SPIRE1: variants seen among roughly 807,000 people sequenced by gnomAD.
SPIRE1 encodes the protein spire type actin nucleation factor 1.
A neutral mutation model predicts 94.1 loss-of-function variants in SPIRE1; 40 were observed. That is an observed-to-expected ratio of 0.43 (90% CI 0.33 to 0.55). The LOEUF (loss-of-function observed/expected upper bound fraction) is 0.55. Ranked by LOEUF, SPIRE1 falls within the 20% of genes least tolerant of loss-of-function variation. The pLI is 0.06. For missense variants in SPIRE1, 838 were observed against 975.2 expected, an observed-to-expected ratio of 0.86 and a Z score of 1.87; for synonymous variants, 376 against 371.7, an observed-to-expected ratio of 1.01 and a Z score of -0.13.
intron 13 of SPIRE1, 44 bp downstream of exon 13, chr18:12,454,302 C>A: frequency 6.2e-7 from 1 of 1,609,230 alleles, no homozygotes; most frequent in Non-Finnish European, 8.5e-7. Flanking sequence ...ATGGGACTGG[C>A]CATCCTTCTA....
At chr18:12,493,795 G>A (rs915782356) in intron 7 of SPIRE1, among the ~76,000 whole-genome samples, 1 of 152,214 alleles carries the variant, frequency 6.6e-6, no homozygotes, top group African/African-American at 2.4e-5. Context: ...AGCCTGGCTT[G>A]CTCAACTAAT....
rs1456872726 is a variant in SPIRE1 at position 12,533,866 on chromosome 18, T to A, written c.729+1610A>T. Among the ~76,000 whole-genome samples, 2 of 151,824 alleles carry A rather than the reference T, an allele frequency of 1.3e-5. 1 individual carries two copies. Among genetic ancestry groups the A allele is most frequent in the East Asian group, 3.9e-4 (2 of 5,180 alleles). On this transcript the variant is annotated intron_variant, in intron 4 of 16. Coordinates refer to ENST00000409402, the MANE Select transcript of SPIRE1 (RefSeq NM_001128626.2). The stretch of plus-strand genomic sequence containing the variant: ...TAGTTGAGGATGTGCCTTTGGATGT[T>A]CACTTTGAAGCTTTTAATCAGATCC...
chr18:12,547,174 C>G (rs2035197503), intron 2 of SPIRE1, among the ~76,000 whole-genome samples: 1 of 152,172 alleles, frequency 6.6e-6, no homozygotes, highest in Non-Finnish European at 1.5e-5. Context: ...CCTCTCAGAA[C>G]TCTTATGCCA....
chr18:12,538,501 G>A (rs1472779668), intron 3 of SPIRE1, among the ~76,000 whole-genome samples: 1 of 152,080 alleles, frequency 6.6e-6, no homozygotes, highest in Non-Finnish European at 1.5e-5. Flanking sequence ...GGATCTTTGG[G>A]TATCCTCTGC....
intron 4 of SPIRE1, among the ~76,000 whole-genome samples, chr18:12,532,966 C>T (rs2034728557): frequency 6.6e-6 from 1 of 152,116 alleles, no homozygotes; most frequent in South Asian, 2.1e-4. Context: ...CCACCTCAAT[C>T]GAAACAGGGA....
intron 10 of SPIRE1, among the ~76,000 whole-genome samples, chr18:12,465,622 A>G (rs980419307): frequency 2.0e-5 from 3 of 152,222 alleles, no homozygotes; most frequent in Non-Finnish European, 4.4e-5. Context: ...TATTTAATAC[A>G]TTTATACAAG....
chr18:12,595,867 T>C (rs2036657309), intron 2 of SPIRE1, among the ~76,000 whole-genome samples: 1 of 152,226 alleles, frequency 6.6e-6, no homozygotes, highest in Admixed American at 6.5e-5. Context: ...CACAGATATC[T>C]AGGTGTATTT....
intron 1 of SPIRE1, among the ~76,000 whole-genome samples, chr18:12,651,955 A>G (rs2038390732): frequency 1.3e-5 from 2 of 152,218 alleles, no homozygotes; most frequent in African/African-American, 4.8e-5. Flanking sequence ...CCTTAAGATT[A>G]TTTTAAATCA....
rs374553146 is a variant in SPIRE1 at position 12,640,596 on chromosome 18, G to C, written c.338-5500C>G. 1.8e-4 allele frequency among the ~76,000 whole-genome samples: 28 copies of C among 152,298 alleles called. 1 individual carries two copies. In the South Asian group the frequency reaches 5.8e-3, roughly 32 times the overall value. On this transcript the variant is annotated intron_variant, in intron 1 of 16. Transcript: ENST00000409402. ...AACAAAACAGAACTCGTGATAAATG[G>C]ATCCAAAAGGGAGAGAAAGTAACAG...
At chr18:12,612,985 A>G (rs2037185131) in intron 2 of SPIRE1, among the ~76,000 whole-genome samples, 1 of 152,118 alleles carries the variant, frequency 6.6e-6, no homozygotes, top group East Asian at 1.9e-4. Context: ...TTTACTTTCC[A>G]TAGCACTCAG....
intron 14 of SPIRE1, 105 bp from the exon 15 acceptor site, chr18:12,452,617 A>G (rs1012486885): frequency 3.6e-6 from 4 of 1,096,784 alleles, no homozygotes; most frequent in Admixed American, 3.4e-5. Context: ...AATAAACTGC[A>G]TAACTCTCCC....
chr18:12,452,041 C>G (rs956110390), intron 16 of SPIRE1, among the ~76,000 whole-genome samples: 2 of 152,170 alleles, frequency 1.3e-5, no homozygotes, highest in African/African-American at 4.8e-5. Flanking sequence ...AATATAAACT[C>G]TGTGATGAAA....
chr18:12,533,048 T>G (rs2034731719), intron 4 of SPIRE1, among the ~76,000 whole-genome samples: 1 of 152,196 alleles, frequency 6.6e-6, no homozygotes, highest in Admixed American at 6.5e-5. Flanking sequence ...GAACAAGTGT[T>G]GTCAGAAGAG....
intron 2 of SPIRE1, among the ~76,000 whole-genome samples, chr18:12,631,173 GTT>G (rs2037763786): frequency 1.3e-5 from 2 of 151,610 alleles, no homozygotes; most frequent in Non-Finnish European, 2.9e-5. Flanking sequence ...TTAAATTTTG[GTT>G]TTAGACTCTC....
intron 2 of SPIRE1, among the ~76,000 whole-genome samples, chr18:12,629,928 C>T (rs1321032767): frequency 6.6e-6 from 1 of 151,996 alleles, no homozygotes; most frequent in Non-Finnish European, 1.5e-5. Flanking sequence ...ATTTTCCAAA[C>T]AGTAAGAAAT....
intron 4 of SPIRE1, among the ~76,000 whole-genome samples, chr18:12,529,480 G>T (rs1296479634): frequency 6.6e-6 from 1 of 152,062 alleles, no homozygotes; most frequent in Non-Finnish European, 1.5e-5. Context: ...AATCATACTT[G>T]AAAGGGTCAA....
intron 4 of SPIRE1, among the ~76,000 whole-genome samples, chr18:12,534,653 G>A (rs1419767910): frequency 6.6e-6 from 1 of 152,122 alleles, no homozygotes; most frequent in Non-Finnish European, 1.5e-5. Context: ...TTGGTCTTTG[G>A]ACTTGGACTG....
chr18:12,535,445 T>C lies in SPIRE1; in HGVS notation c.729+31A>G, dbSNP rs376820263. 2.5e-5 allele frequency: 40 copies of C among 1,587,062 alleles called. No individual in the cohort carries two copies. The African/African-American group carries it at 5.1e-4, about 20-fold the overall frequency. ...TATCAAATGCATGCCAATCAAACAA[T>C]GCCAATAAATATCAAAGCAGTAGTA... On this transcript the variant is annotated intron_variant, in intron 4 of 16. Coordinates refer to ENST00000409402, the MANE Select transcript of SPIRE1 (RefSeq NM_001128626.2).
intron 6 of SPIRE1, among the ~76,000 whole-genome samples, chr18:12,501,959 G>A (rs1034688532): frequency 1.3e-5 from 2 of 152,138 alleles, no homozygotes; most frequent in Non-Finnish European, 2.9e-5. Flanking sequence ...AAGACCCTGT[G>A]TCAATCAATC....
Sources: allele counts gnomAD v4.1 joint callset (sites outside exome capture counted in the v4.1 genomes callset), GRCh38; gene constraint gnomAD v4.1.1; transcripts MANE v1.5; gene names NCBI Gene and HGNC (gene_info 2026-07-23, HGNC 2026-07-21).